The following SLC24A2 variants were observed in gnomAD, a reference collection of about 807,000 sequenced individuals.
SLC24A2 encodes sodium/potassium/calcium exchanger 2.
SLC24A2 carries 36 observed loss-of-function variants against 62.0 expected under a neutral mutation model. The ratio of observed to expected loss-of-function variants is 0.58; its 90% CI spans 0.44 to 0.77. The LOEUF is 0.77. SLC24A2 is among the 30% of genes least tolerant of loss of function. The pLI, the probability that SLC24A2 is intolerant of heterozygous loss-of-function variation, is 0.00. For synonymous variants in SLC24A2, 358 were observed against 294.0 expected, an observed-to-expected ratio of 1.22 and a Z score of -2.23; for missense variants, 846 against 817.9, an observed-to-expected ratio of 1.03 and a Z score of -0.42.
At chr9:19,546,085 A>G (rs1329911506) in intron 8 of SLC24A2, among the ~76,000 whole-genome samples, 2 of 152,194 alleles carry the variant, frequency 1.3e-5, no homozygotes, top group Non-Finnish European at 2.9e-5. Flanking sequence ...CCTTTGTCTC[A>G]TACGGGCACC....
In SLC24A2 at chr9:19,554,127, G is replaced by C. The variant is rs142413033; in HGVS notation, c.1348-3859C>G. Among the ~76,000 whole-genome samples the C allele has an allele frequency of 3.0e-3, 450 of 152,298 alleles. 8 individuals carry two copies. In the South Asian group the frequency reaches 0.037, roughly 13 times the overall value. ...ATAGGAGAAGATTAGGACACCTAGA[G>C]AGACACTAGGGGTTCCTTTGCACAG... On this transcript the variant is annotated intron_variant, in intron 7 of 10. Transcript: ENST00000341998.
the SLC24A2 span, among the ~76,000 whole-genome samples, chr9:20,161,902 G>A: frequency 2.0e-5 from 3 of 151,476 alleles, no homozygotes; most frequent in Non-Finnish European, 4.4e-5. Context: ...ATTCGCTACT[G>A]TTTAATATTT....
At chr9:19,936,719 G>A in the SLC24A2 span, among the ~76,000 whole-genome samples, 1 of 152,166 alleles carries the variant, frequency 6.6e-6, no homozygotes, top group Non-Finnish European at 1.5e-5. Context: ...ACATTTGGAG[G>A]TGGAGGAGGA....
the SLC24A2 span, among the ~76,000 whole-genome samples, chr9:20,236,282 A>G: frequency 2.0e-5 from 3 of 152,236 alleles, no homozygotes; most frequent in African/African-American, 4.8e-5. Context: ...CAGGTAAGCA[A>G]GCAGCCCTTA....
the SLC24A2 span, among the ~76,000 whole-genome samples, chr9:19,997,057 G>GGCAAAAAAT: frequency 0.013 from 2,015 of 151,846 alleles, 45 homozygotes; most frequent in African/African-American, 0.046. Context: ...GGCAAAAAAA[G>GGCAAAAAAT]CAAACAATTT....
At chr9:20,289,499 T>C in the SLC24A2 span, among the ~76,000 whole-genome samples, 1 of 152,296 alleles carries the variant, frequency 6.6e-6, no homozygotes, top group Non-Finnish European at 1.5e-5. Flanking sequence ...GCTGCCTGCC[T>C]TCGGATAAGT....
chr9:20,273,165 A>G, the SLC24A2 span, among the ~76,000 whole-genome samples: 1 of 152,120 alleles, frequency 6.6e-6, no homozygotes, highest in African/African-American at 2.4e-5. Context: ...ACTGCCCCCA[A>G]AATATGGCTT....
chr9:19,550,996 T>C (rs1163249185), intron 7 of SLC24A2, among the ~76,000 whole-genome samples: 2 of 152,306 alleles, frequency 1.3e-5, no homozygotes, highest in East Asian at 3.9e-4. Context: ...AAGCCCTCTC[T>C]TCTAGCTTTG....
chr9:19,628,683 G>C (rs1161416937), intron 2 of SLC24A2, among the ~76,000 whole-genome samples: 1 of 152,268 alleles, frequency 6.6e-6, no homozygotes, highest in Non-Finnish European at 1.5e-5. Context: ...CATCTATTAA[G>C]TCCTGGTTGC....
chr9:19,534,310 AGACTT>A (rs1833852357), intron 8 of SLC24A2, among the ~76,000 whole-genome samples: 2 of 152,260 alleles, frequency 1.3e-5, no homozygotes, highest in African/African-American at 4.8e-5. Flanking sequence ...TTCCTTTACT[AGACTT>A]AGAGTGCCTT....
chr9:20,103,683 C>G, the SLC24A2 span, among the ~76,000 whole-genome samples: 22 of 152,190 alleles, frequency 1.4e-4, no homozygotes, highest in Admixed American at 1.3e-3. Context: ...GACATCCACA[C>G]AAAAAACCCA....
chr9:19,896,208 T>C, the SLC24A2 span, among the ~76,000 whole-genome samples: 1 of 152,216 alleles, frequency 6.6e-6, no homozygotes, highest in Non-Finnish European at 1.5e-5. Context: ...GTTGAAAAAC[T>C]TCTGGATTGC....
the SLC24A2 span, among the ~76,000 whole-genome samples, chr9:19,959,832 GCAA>G: frequency 1.3e-5 from 2 of 152,122 alleles, no homozygotes; most frequent in African/African-American, 2.4e-5. Context: ...CTCAATCCTT[GCAA>G]CAACAAGTGA....
At chr9:19,570,249 C>G (rs1356355403) in intron 7 of SLC24A2, among the ~76,000 whole-genome samples, 1 of 152,246 alleles carries the variant, frequency 6.6e-6, no homozygotes, top group Non-Finnish European at 1.5e-5. Flanking sequence ...TATCCTCTTT[C>G]TCTCCAATCA....
chr9:20,068,470 CAT>C, the SLC24A2 span, among the ~76,000 whole-genome samples: 1 of 152,242 alleles, frequency 6.6e-6, no homozygotes, highest in East Asian at 1.9e-4. Flanking sequence ...CAGATCCTAA[CAT>C]ATTATGATTG....
the SLC24A2 span, among the ~76,000 whole-genome samples, chr9:20,061,444 G>T: frequency 6.6e-6 from 1 of 151,994 alleles, no homozygotes; most frequent in Non-Finnish European, 1.5e-5. Context: ...GTGCCACCAT[G>T]CCCAGCTAAT....
chr9:19,820,253 A>G, the SLC24A2 span, among the ~76,000 whole-genome samples: 2 of 150,026 alleles, frequency 1.3e-5, no homozygotes, highest in Admixed American at 1.3e-4. Context: ...CAAAGGCATA[A>G]GAATGATACA....
At chr9:20,151,767 T>C in the SLC24A2 span, among the ~76,000 whole-genome samples, 1 of 151,726 alleles carries the variant, frequency 6.6e-6, no homozygotes. Context: ...ATACTACATA[T>C]TCTGGTTCAC....
intron 2 of SLC24A2, among the ~76,000 whole-genome samples, chr9:19,674,541 G>A (rs1342510771): frequency 6.6e-6 from 1 of 152,108 alleles, no homozygotes. Context: ...AAACTTCTTG[G>A]AGGCTTTGTT....
Sources: gnomAD v4.1 joint callset for allele counts (sites outside exome capture counted in the v4.1 genomes callset) on GRCh38, gnomAD v4.1.1 for gene constraint, MANE v1.5 for transcripts, NCBI Gene and HGNC (gene_info 2026-07-23, HGNC 2026-07-21) for gene names.